Variants in ANGPT4 observed in about 807,000 individuals in gnomAD.
ANGPT4 encodes the protein angiopoietin-4.
ANGPT4 carries 50 observed loss-of-function variants against 53.0 expected under a neutral mutation model. The ratio of observed to expected loss-of-function variants is 0.94; its 90% CI spans 0.75 to 1.20. The LOEUF (loss-of-function observed/expected upper bound fraction) is 1.20, where lower values mean the gene tolerates loss of function less well. Ranked by LOEUF, ANGPT4 falls within the 50% of genes most tolerant of loss-of-function variation. The pLI is 0.00. For synonymous variants in ANGPT4, 251 were observed against 259.7 expected, an observed-to-expected ratio of 0.97 and a Z score of 0.32; for missense variants, 648 against 637.1, an observed-to-expected ratio of 1.02 and a Z score of -0.18.
In ANGPT4 at chr20:889,723, TCAAA is replaced by T. The variant is rs542975616; in HGVS notation, c.465+486_465+489del. 7.3e-4 allele frequency among the ~76,000 whole-genome samples: 111 copies of T among 152,244 alleles called. 2 individuals carry two copies. The South Asian group carries it at 0.021, about 29-fold the overall frequency. On this transcript the variant is annotated intron_variant, in intron 2 of 8. Transcript: ENST00000381922. ...CAAGCAGTGCCTGGCACACGGGGGA[TCAAA>T]CAAACAAATGGGCACAAACTTGTGT...
At position 901,233 on chromosome 20, in the gene ANGPT4, C is replaced by A. The variant is rs1265494516; in HGVS notation, c.310-10865G>T. Among the ~76,000 whole-genome samples the A allele has an allele frequency of 2.0e-5, 3 of 152,150 alleles. No homozygotes were observed. In the East Asian group the frequency reaches 5.8e-4, roughly 29 times the overall value. ...AATATAAGAAGACAGGAATGTCAGG[C>A]CTCTGAGCCCAAGCCTGCACGTGTA... On this transcript the variant is annotated intron_variant, in intron 1 of 8. Coordinates refer to ENST00000381922, the MANE Select transcript of ANGPT4 (RefSeq NM_015985.4).
chr20:885,090 C>A lies in ANGPT4; in HGVS notation c.823G>T (p.Ala275Ser). The change falls in exon 4 of 9, where the codon GCC (alanine) becomes TCC (serine). Residue 275 changes from alanine (A) to serine (S), a missense_variant. Transcript: ENST00000381922. ...LRHLVQERAN[A>S]SAPAFIMAGE... ...ACCGCTCACTCACCCGGGGCCGAGG[C>A]GTTAGCCCTTTCTTGCACCAGGTGC... 1 of 1,613,692 alleles carries A rather than the reference C, an allele frequency of 6.2e-7. No individual in the cohort carries two copies. The highest frequency in any genetic ancestry group is 8.5e-7 in the Non-Finnish European group (1 of 1,179,912).
chr20:872,956 CT>C lies in ANGPT4; in HGVS notation c.*3del. On this transcript the variant is annotated 3_prime_UTR_variant, in exon 9 of 9. Transcript: ENST00000381922. ...TGTGGTCCAGCCTCTGGCACAGCTG[CT>C]CGTTAGATGTCCAAAGGCCGTATCA... is the stretch of plus-strand genomic sequence containing the variant. The C allele has an allele frequency of 6.2e-7, 1 of 1,613,840 alleles. No homozygotes were observed. The highest frequency in any genetic ancestry group is 1.1e-5 in the South Asian group (1 of 91,076).
chr20:915,619 A>G (rs1321778917), intron 1 of ANGPT4, among the ~76,000 whole-genome samples: 2 of 152,068 alleles, frequency 1.3e-5, no homozygotes, highest in Non-Finnish European at 2.9e-5. Context: ...GACATACTAT[A>G]CTGTCGTATC....
At chr20:906,268 G>C (rs976166) in intron 1 of ANGPT4, among the ~76,000 whole-genome samples, 43,014 of 152,038 alleles carry the variant, frequency 0.28, 6,455 homozygotes, top group East Asian at 0.51. Flanking sequence ...TTGGGAGGAA[G>C]CCATCTGGAG....
intron 3 of ANGPT4, among the ~76,000 whole-genome samples, chr20:886,580 T>A (rs1162028021): frequency 6.6e-6 from 1 of 152,246 alleles, no homozygotes; most frequent in Non-Finnish European, 1.5e-5. Context: ...ACTCATTTAA[T>A]ACACCTAACC....
At chr20:888,715 G>A (rs1293122959) in intron 2 of ANGPT4, among the ~76,000 whole-genome samples, 3 of 152,168 alleles carry the variant, frequency 2.0e-5, no homozygotes, top group Admixed American at 6.5e-5. Context: ...CAACTCATCT[G>A]CAGGTCCTGT....
chr20:875,346 C>A (rs1217687485), intron 7 of ANGPT4, among the ~76,000 whole-genome samples: 1 of 152,198 alleles, frequency 6.6e-6, no homozygotes, highest in African/African-American at 2.4e-5. Context: ...ACTACACCAG[C>A]CCCCATGGAT....
chr20:895,352 C>T (rs143609080), intron 1 of ANGPT4, among the ~76,000 whole-genome samples: 3 of 152,288 alleles, frequency 2.0e-5, no homozygotes, highest in Non-Finnish European at 4.4e-5. Flanking sequence ...GTTTTGGTCC[C>T]TGGTCTACTG....
chr20:899,319 C>T (rs1600058830), intron 1 of ANGPT4, among the ~76,000 whole-genome samples: 1 of 151,838 alleles, frequency 6.6e-6, no homozygotes, highest in South Asian at 2.1e-4. Flanking sequence ...GCGATCTCGG[C>T]TCACTGCAAG....
rs754898686 is a variant in ANGPT4 at position 873,015 on chromosome 20, C to T, written c.1457G>A (p.Gly486Asp). The T allele has an allele frequency of 6.2e-6, 10 of 1,614,092 alleles. No individual in the cohort carries two copies. The highest frequency in any genetic ancestry group is 8.5e-6 in the Non-Finnish European group (10 of 1,180,010). The change falls in exon 9 of 9, where the codon GGC (glycine) becomes GAC (aspartate). Residue 486 changes from glycine (G) to aspartate (D), a missense_variant. Coordinates refer to ENST00000381922, the MANE Select transcript of ANGPT4 (RefSeq NM_015985.4). ...MDGIRWHYFK[G>D]PSYSLRASRM... is the part of the protein sequence containing the mutation. Reference sequence around the variant, plus strand: ...AGAGGCACGCAGTGAGTAGCTGGGGCCCTTGAAGTAGTGCCAGCGGATGCC... The same window carrying T: ...AGAGGCACGCAGTGAGTAGCTGGGGTCCTTGAAGTAGTGCCAGCGGATGCC...
chr20:885,367 G>A, intron 3 of ANGPT4, 42 bp from the exon 4 acceptor site: 6 of 1,494,870 alleles, frequency 4.0e-6, no homozygotes, highest in Non-Finnish European at 4.4e-6. Flanking sequence ...TGGCATCCTC[G>A]CGAAGCACGC....
At chr20:909,601 C>G (rs1982621575) in intron 1 of ANGPT4, among the ~76,000 whole-genome samples, 1 of 152,172 alleles carries the variant, frequency 6.6e-6, no homozygotes, top group Non-Finnish European at 1.5e-5. Flanking sequence ...CTGTACTGAG[C>G]CCCACATGTG....
At chr20:887,816 C>A (rs913310001) in intron 3 of ANGPT4, among the ~76,000 whole-genome samples, 3 of 151,550 alleles carry the variant, frequency 2.0e-5, no homozygotes, top group Non-Finnish European at 4.4e-5. Context: ...TAAAGTTTAC[C>A]GGATGAATAG....
chr20:893,462 A>C (rs962316250), intron 1 of ANGPT4, among the ~76,000 whole-genome samples: 1 of 152,176 alleles, frequency 6.6e-6, no homozygotes, highest in African/African-American at 2.4e-5. Flanking sequence ...ATTTCTGAGA[A>C]AGGATTATTA....
At chr20:907,514 G>A (rs531468135) in intron 1 of ANGPT4, among the ~76,000 whole-genome samples, 1 of 152,290 alleles carries the variant, frequency 6.6e-6, no homozygotes, top group East Asian at 1.9e-4. Context: ...GTCACAGAAT[G>A]GAGAGGTGTG....
At position 882,310 on chromosome 20, in the gene ANGPT4, G is replaced by A. The variant is rs186054141; in HGVS notation, c.836-1024C>T. Among the ~76,000 whole-genome samples, 52 of 152,266 alleles carry A rather than the reference G, an allele frequency of 3.4e-4. 2 individuals carry two copies. The Middle Eastern group carries it at 0.014, about 40-fold the overall frequency. ...ATTAGTGGAATCCAGTTAGAGGTTT[G>A]AACTATGATTCTACCAGAATCCAAT... is the stretch of plus-strand genomic sequence containing the variant. On this transcript the variant is annotated intron_variant, in intron 4 of 8. Coordinates refer to ENST00000381922, the MANE Select transcript of ANGPT4 (RefSeq NM_015985.4).
chr20:899,632 C>T (rs893810044), intron 1 of ANGPT4, among the ~76,000 whole-genome samples: 14 of 152,124 alleles, frequency 9.2e-5, no homozygotes, highest in African/African-American at 2.9e-4. Context: ...ACATTTTAAC[C>T]CGGACAAGTC....
chr20:900,129 C>T (rs1391338544), intron 1 of ANGPT4, among the ~76,000 whole-genome samples: 1 of 152,126 alleles, frequency 6.6e-6, no homozygotes, highest in African/African-American at 2.4e-5. Context: ...CTCTTAAAAC[C>T]TCTCATTTCC....
Sources: allele counts gnomAD v4.1 joint callset (sites outside exome capture counted in the v4.1 genomes callset), GRCh38; gene constraint gnomAD v4.1.1; transcripts MANE v1.5; gene names NCBI Gene and HGNC (gene_info 2026-07-23, HGNC 2026-07-21).